The following VTCN1 variants were observed in gnomAD, a reference collection of about 807,000 sequenced individuals.
The protein encoded by VTCN1 is V-set domain-containing T-cell activation inhibitor 1.
In VTCN1, 26 loss-of-function variants were observed where a neutral mutation model predicts 26.5. The ratio of observed to expected loss-of-function variants is 0.98; its 90% CI spans 0.72 to 1.36. The LOEUF is 1.36. Ranked by LOEUF, VTCN1 falls within the 40% of genes most tolerant of loss-of-function variation. VTCN1 has a pLI of 0.00. For missense variants in VTCN1, 298 were observed against 337.7 expected (o/e 0.88, Z 0.92); for synonymous variants, 116 against 130.7 (o/e 0.89, Z 0.77).
chr1:117,166,369 T>G (rs138063302), intron 2 of VTCN1, among the ~76,000 whole-genome samples: 1 of 152,206 alleles, frequency 6.6e-6, no homozygotes, highest in East Asian at 1.9e-4. Context: ...CAAGAAAGTT[T>G]AGTCATCAAG....
At chr1:117,171,254 T>C (rs974716953) in intron 1 of VTCN1, among the ~76,000 whole-genome samples, 1 of 152,236 alleles carries the variant, frequency 6.6e-6, no homozygotes, top group African/African-American at 2.4e-5. Flanking sequence ...AGCCTATCAT[T>C]GATGGACATT....
intron 1 of VTCN1, among the ~76,000 whole-genome samples, chr1:117,200,618 C>T (rs1303374605): frequency 6.6e-6 from 1 of 152,168 alleles, no homozygotes; most frequent in Non-Finnish European, 1.5e-5. Context: ...TTCAGGTATT[C>T]CCACCACCCA....
At chr1:117,201,069 C>A (rs1478561285) in intron 1 of VTCN1, among the ~76,000 whole-genome samples, 2 of 152,134 alleles carry the variant, frequency 1.3e-5, no homozygotes, top group Admixed American at 6.6e-5. Flanking sequence ...GTATAAACCA[C>A]CCTGCCCAGA....
At chr1:117,173,392 C>T in intron 1 of VTCN1, 1 of 358,944 alleles carries the variant, frequency 2.8e-6, no homozygotes, top group Non-Finnish European at 4.8e-6. Context: ...ACACACACAA[C>T]ACCATGTAAA....
chr1:117,196,726 C>G (rs1013447817), intron 1 of VTCN1, among the ~76,000 whole-genome samples: 13 of 151,934 alleles, frequency 8.6e-5, no homozygotes, highest in Non-Finnish European at 1.5e-4. Context: ...CAGAAGAGCT[C>G]TCATAGAAAG....
At chr1:117,170,056 A>C in intron 2 of VTCN1, 51 bp downstream of exon 2, 1 of 1,528,528 alleles carries the variant, frequency 6.5e-7, no homozygotes, top group Non-Finnish European at 9.1e-7. Flanking sequence ...AGTGATTAGG[A>C]GTTTAATGGT....
At chr1:117,151,038 A>T (rs1651761077) in intron 4 of VTCN1, among the ~76,000 whole-genome samples, 1 of 152,026 alleles carries the variant, frequency 6.6e-6, no homozygotes, top group African/African-American at 2.4e-5. Context: ...TTTTGGGTTG[A>T]TTCTATCTCT....
intron 1 of VTCN1, among the ~76,000 whole-genome samples, chr1:117,170,943 C>A (rs1652879230): frequency 2.0e-5 from 3 of 152,132 alleles, no homozygotes. Flanking sequence ...CACCTATCAA[C>A]CCGTCATCTA....
intron 1 of VTCN1, among the ~76,000 whole-genome samples, chr1:117,198,083 C>T (rs1414981671): frequency 6.6e-6 from 1 of 152,206 alleles, no homozygotes. Context: ...TCACTTCAAC[C>T]TTACTCAGCT....
intron 1 of VTCN1, among the ~76,000 whole-genome samples, chr1:117,208,991 C>T (rs1649231540): frequency 6.6e-6 from 1 of 152,166 alleles, no homozygotes; most frequent in Non-Finnish European, 1.5e-5. Flanking sequence ...AGAGTTACCC[C>T]AGGCAGGCTC....
chr1:117,179,765 T>C (rs1161490807), intron 1 of VTCN1, among the ~76,000 whole-genome samples: 1 of 152,236 alleles, frequency 6.6e-6, no homozygotes, highest in Admixed American at 6.5e-5. Flanking sequence ...TTGTTAATCA[T>C]ATAAGAATGA....
At chr1:117,203,549 G>A in intron 1 of VTCN1, 1 of 930,868 alleles carries the variant, frequency 1.1e-6, no homozygotes, top group South Asian at 4.9e-5. Context: ...GAAATCAGAA[G>A]CATTGCAGGC....
Position 117,155,493 on chromosome 1 carries a change from C to G in VTCN1, c.445+1081G>C, listed in dbSNP as rs146402141. 6.6e-6 allele frequency among the ~76,000 whole-genome samples: 1 copy of G among 152,146 alleles called. No homozygotes were observed. Among genetic ancestry groups the G allele is most frequent in the African/African-American group, 2.4e-5 (1 of 41,426 alleles). The stretch of plus-strand genomic sequence containing the variant: ...TGAAGTCATATGTATTTATTCTATA[C>G]CTTTGAGTTATAATTCAATACTATG... On this transcript the variant is annotated intron_variant, in intron 3 of 5. Coordinates refer to ENST00000369458, the MANE Select transcript of VTCN1 (RefSeq NM_024626.4). This position sits in a 1 kb window ranked among gnomAD's most constrained non-coding sequence, Gnocchi z 4.8.
In VTCN1 at chr1:117,145,875, C is replaced by A. The variant is rs1236762047; in HGVS notation, c.*46-650G>T. 2.0e-5 allele frequency among the ~76,000 whole-genome samples: 3 copies of A among 152,164 alleles called. No homozygotes were observed. The highest frequency in any genetic ancestry group is 7.2e-5 in the African/African-American group (3 of 41,434). ...TTTTAAACTCCTGGGCTCAAGCAGT[C>A]CTCCCATCTTGGCCTCTCAAAGTGC... On this transcript the variant is annotated intron_variant, in intron 5 of 5. Coordinates refer to ENST00000369458, the MANE Select transcript of VTCN1 (RefSeq NM_024626.4). The surrounding 1 kb of genome is among the most constrained non-coding windows in gnomAD (Gnocchi z 4.6).
chr1:117,147,927 C>A lies in VTCN1; in HGVS notation c.725-145G>T. 1 of 1,034,314 alleles carries A rather than the reference C, an allele frequency of 9.7e-7. No homozygotes were observed. The highest frequency in any genetic ancestry group is 1.4e-6 in the Non-Finnish European group (1 of 721,952). The allele number at this position is 1,034,314 out of a possible 1,614,324, so 64.1% of individuals were successfully genotyped here. ...TTTTTTACCCCTTTGCCCACCTCTC[C>A]GTAACTGGCTTAAAAGTAGAGCTTT... is the stretch of plus-strand genomic sequence containing the variant. On this transcript the variant is annotated intron_variant, in intron 4 of 5. Coordinates refer to ENST00000369458, the MANE Select transcript of VTCN1 (RefSeq NM_024626.4). This position sits in a 1 kb window ranked among gnomAD's most constrained non-coding sequence, Gnocchi z 4.6.
At position 117,159,885 on chromosome 1, in the gene VTCN1, C is replaced by T. The variant is rs1242115287; in HGVS notation, c.98-2964G>A. On this transcript the variant is annotated intron_variant, in intron 2 of 5. Coordinates refer to ENST00000369458, the MANE Select transcript of VTCN1 (RefSeq NM_024626.4). This position sits in a 1 kb window ranked among gnomAD's most constrained non-coding sequence, Gnocchi z 4.7. Reference sequence around the variant, plus strand: ...TGGTTTAAAATGAAAGCCACCCTCTCCTCTACTGACATACCACCAGTAGAA... The same window carrying T: ...TGGTTTAAAATGAAAGCCACCCTCTTCTCTACTGACATACCACCAGTAGAA... 2.0e-5 allele frequency among the ~76,000 whole-genome samples: 3 copies of T among 152,218 alleles called. No homozygotes were observed. The highest frequency in any genetic ancestry group is 2.9e-5 in the Non-Finnish European group (2 of 68,042).
In VTCN1 at chr1:117,170,162, G is replaced by A. The variant is rs370251571; in HGVS notation, c.42C>T (p.Ser14=). The A allele has an allele frequency of 5.0e-6, 8 of 1,613,572 alleles. No homozygotes were observed. In the African/African-American group the frequency reaches 5.3e-5, roughly 11 times the overall value. ...TTGCTCCAGCCAGAATAATGATGAT[G>A]CTAATTATGCTACGGGAAGAGAGAG... ...LGQILFWSII[S]IIIILAGAIA... The change falls in exon 2 of 6, where the codon AGC becomes AGT. Residue 14 remains serine (S), a synonymous_variant. Coordinates refer to ENST00000369458, the MANE Select transcript of VTCN1 (RefSeq NM_024626.4).
chr1:117,181,390 C>T (rs765518335), intron 1 of VTCN1, among the ~76,000 whole-genome samples: 5 of 152,184 alleles, frequency 3.3e-5, no homozygotes, highest in Non-Finnish European at 5.9e-5. Context: ...GAAACTGATC[C>T]TAGAATTTAA....
At chr1:117,160,515 G>C (rs767884332) in intron 2 of VTCN1, among the ~76,000 whole-genome samples, 8 of 152,148 alleles carry the variant, frequency 5.3e-5, no homozygotes, top group Non-Finnish European at 7.4e-5. Context: ...AAGAGCTGTG[G>C]AATGGATTTC....
Sources: allele counts gnomAD v4.1 joint callset (sites outside exome capture counted in the v4.1 genomes callset), GRCh38; gene constraint gnomAD v4.1.1; non-coding constraint Gnocchi (gnomAD v3.1); transcripts MANE v1.5; gene names NCBI Gene and HGNC (gene_info 2026-07-23, HGNC 2026-07-21).